RHOJ: variants seen among roughly 807,000 people sequenced by gnomAD.
RHOJ encodes ras homolog family member J, also known as rho-related GTP-binding protein RhoJ.
Under a neutral mutation model 23.4 loss-of-function variants are expected in RHOJ, and 11 were observed. That is an observed-to-expected ratio of 0.47 (90% CI 0.30 to 0.78). The LOEUF (loss-of-function observed/expected upper bound fraction) is 0.78, where lower values mean the gene tolerates loss of function less well. Ranked by LOEUF, RHOJ falls within the 30% of genes least tolerant of loss-of-function variation. The pLI is 0.08. For missense variants in RHOJ, 254 were observed against 273.4 expected (o/e 0.93, Z 0.50); for synonymous variants, 102 against 102.7 (o/e 0.99, Z 0.04).
chr14:63,265,261 C>T (rs2139652002), intron 1 of RHOJ, among the ~76,000 whole-genome samples: 1 of 152,296 alleles, frequency 6.6e-6, no homozygotes, highest in Non-Finnish European at 1.5e-5. Context: ...TATCCCAGCA[C>T]CATTTATTGA....
At chr14:63,287,984 C>T (rs1240686181) in intron 4 of RHOJ, among the ~76,000 whole-genome samples, 1 of 152,058 alleles carries the variant, frequency 6.6e-6, no homozygotes, top group East Asian at 1.9e-4. Context: ...TGTGCTTTTT[C>T]CTTGAACCGG....
At chr14:63,227,429 C>A (rs965026873) in intron 1 of RHOJ, among the ~76,000 whole-genome samples, 1 of 152,100 alleles carries the variant, frequency 6.6e-6, no homozygotes, top group East Asian at 1.9e-4. Flanking sequence ...AATGGTAATA[C>A]ATACGAATAT....
intron 1 of RHOJ, 23 bp from the exon 2 acceptor site, chr14:63,269,087 T>C (rs1330225144): frequency 1.3e-6 from 2 of 1,591,426 alleles, no homozygotes; most frequent in East Asian, 4.5e-5. Context: ...TCTCCTCTTC[T>C]TTTCTTTTCT....
intron 1 of RHOJ, among the ~76,000 whole-genome samples, chr14:63,230,841 C>CTTTTTTTTTTTT (rs57848893): frequency 1.0e-5 from 1 of 95,262 alleles, no homozygotes; most frequent in Non-Finnish European, 2.0e-5. Flanking sequence ...GGGTACAAGG[C>CTTTTTTTTTTTT]TTTTTTTTTT....
chr14:63,276,493 T>C (rs1345494647), intron 2 of RHOJ, among the ~76,000 whole-genome samples: 1 of 152,218 alleles, frequency 6.6e-6, no homozygotes, highest in African/African-American at 2.4e-5. Flanking sequence ...TTTCCCCAAC[T>C]GAATTGCCAA....
At chr14:63,279,774 A>G (rs1881841665) in intron 2 of RHOJ, among the ~76,000 whole-genome samples, 1 of 152,114 alleles carries the variant, frequency 6.6e-6, no homozygotes, top group Non-Finnish European at 1.5e-5. Flanking sequence ...CACTCAACAT[A>G]TTTCTTCAAA....
In RHOJ at chr14:63,291,436, T is replaced by C. The variant is rs1482072209; in HGVS notation, c.*412T>C. On this transcript the variant is annotated 3_prime_UTR_variant, in exon 5 of 5. Coordinates refer to ENST00000316754, the MANE Select transcript of RHOJ (RefSeq NM_020663.5). ...TGATGTCTTTTATAAAACTTGGGAC[T>C]ACAATACTAACCTTTTTTTCTGAAT... The C allele has an allele frequency of 3.8e-6, 1 of 266,220 alleles. No homozygotes were observed. Among genetic ancestry groups the C allele is most frequent in the Non-Finnish European group, 7.3e-6 (1 of 136,128 alleles). 16.5% of individuals were successfully genotyped at this position (266,220 alleles called of 1,614,324 possible).
chr14:63,253,736 C>T (rs1378259291), intron 1 of RHOJ, among the ~76,000 whole-genome samples: 1 of 152,170 alleles, frequency 6.6e-6, no homozygotes, highest in Non-Finnish European at 1.5e-5. Flanking sequence ...GGTCAAAGAG[C>T]AGAAGATCTG....
chr14:63,285,489 A>G (rs2139667772), intron 4 of RHOJ, among the ~76,000 whole-genome samples: 1 of 152,278 alleles, frequency 6.6e-6, no homozygotes, highest in South Asian at 2.1e-4. Context: ...CCATTTCCAA[A>G]GCATTTTCCA....
chr14:63,209,099 C>A (rs1894176108), intron 1 of RHOJ, among the ~76,000 whole-genome samples: 1 of 152,138 alleles, frequency 6.6e-6, no homozygotes, highest in Admixed American at 6.6e-5. Flanking sequence ...CAAAATACAT[C>A]CCAAACCTGA....
At chr14:63,230,832 G>A (rs1325327394) in intron 1 of RHOJ, among the ~76,000 whole-genome samples, 2 of 141,350 alleles carry the variant, frequency 1.4e-5, no homozygotes, top group East Asian at 2.2e-4. Context: ...AGTTTACAAG[G>A]GTACAAGGCT....
intron 1 of RHOJ, among the ~76,000 whole-genome samples, chr14:63,242,033 T>C (rs1459019071): frequency 6.6e-6 from 1 of 152,188 alleles, no homozygotes; most frequent in Non-Finnish European, 1.5e-5. Flanking sequence ...GAGCACAAAA[T>C]GTCTTTGAAA....
At chr14:63,253,809 G>A (rs1021871629) in intron 1 of RHOJ, among the ~76,000 whole-genome samples, 26 of 152,214 alleles carry the variant, frequency 1.7e-4, no homozygotes, top group Non-Finnish European at 2.2e-4. Flanking sequence ...CAACCAATGT[G>A]ATAGTTAAAA....
chr14:63,212,180 C>T (rs1335491304), intron 1 of RHOJ, among the ~76,000 whole-genome samples: 1 of 152,092 alleles, frequency 6.6e-6, no homozygotes, highest in East Asian at 1.9e-4. Flanking sequence ...GTTTTATGGG[C>T]CAGGCCTGGA....
In RHOJ at chr14:63,204,998, C is replaced by G; in HGVS notation, c.129C>G (p.Asn43Lys). The change falls in exon 1 of 5, where the codon AAC becomes AAG. Residue 43 changes from asparagine (N) to lysine (K), a missense_variant. Transcript: ENST00000316754. ...CCTGCCTGCTGATGAGCTACGCCAA[C>G]GACGCCTTCCCAGAGGAATACGTGC... Reference protein sequence around the residue: ...GKTCLLMSYANDAFPEEYVPT... With the variant: ...GKTCLLMSYAKDAFPEEYVPT... 1.2e-6 allele frequency: 2 copies of G among 1,614,196 alleles called. No homozygotes were observed. Among genetic ancestry groups the G allele is most frequent in the East Asian group, 2.2e-5 (1 of 44,888 alleles).
At chr14:63,235,703 T>C (rs1384565382) in intron 1 of RHOJ, among the ~76,000 whole-genome samples, 1 of 152,192 alleles carries the variant, frequency 6.6e-6, no homozygotes, top group Non-Finnish European at 1.5e-5. Flanking sequence ...TTTCTTAAAA[T>C]AATAACTGTC....
intron 1 of RHOJ, among the ~76,000 whole-genome samples, chr14:63,234,962 CAGT>C (rs1399273643): frequency 6.6e-6 from 1 of 152,106 alleles, no homozygotes; most frequent in African/African-American, 2.4e-5. Context: ...ATCTAGGAAC[CAGT>C]AAACTCAGAA....
intron 1 of RHOJ, among the ~76,000 whole-genome samples, chr14:63,238,758 G>A (rs1894833579): frequency 6.6e-6 from 1 of 152,128 alleles, no homozygotes; most frequent in Non-Finnish European, 1.5e-5. Context: ...GGTAAACACA[G>A]TCAGCATGGA....
chr14:63,232,233 G>T (rs917263357), intron 1 of RHOJ, among the ~76,000 whole-genome samples: 2 of 152,178 alleles, frequency 1.3e-5, no homozygotes, highest in Non-Finnish European at 2.9e-5. Context: ...GGGAATTCAA[G>T]CATACTTTTC....
Sources: allele counts gnomAD v4.1 joint callset (sites outside exome capture counted in the v4.1 genomes callset), GRCh38; gene constraint gnomAD v4.1.1; transcripts MANE v1.5; gene names NCBI Gene and HGNC (gene_info 2026-07-23, HGNC 2026-07-21).